Variants in HTR4 observed in about 807,000 individuals in gnomAD.
HTR4 encodes 5-hydroxytryptamine (serotonin) receptor 4, G protein-coupled.
In HTR4, 16 loss-of-function variants were observed where a neutral mutation model predicts 36.8. The ratio of observed to expected loss-of-function variants is 0.43; its 90% CI spans 0.29 to 0.66. The LOEUF is 0.66. Ranked by LOEUF, HTR4 falls within the 30% of genes least tolerant of loss-of-function variation. HTR4 has a pLI of 0.13. For synonymous variants in HTR4, 189 were observed against 185.1 expected, an observed-to-expected ratio of 1.02 and a Z score of -0.17; for missense variants, 438 against 490.9, an observed-to-expected ratio of 0.89 and a Z score of 1.02.
intron 6 of HTR4, among the ~76,000 whole-genome samples, chr5:148,495,778 A>T (rs1047923062): frequency 2.0e-5 from 3 of 152,190 alleles, no homozygotes; most frequent in African/African-American, 7.2e-5. Context: ...ATTATATTTT[A>T]CCAGTTAAGT....
intron 2 of HTR4, among the ~76,000 whole-genome samples, chr5:148,602,631 G>A (rs1203104971): frequency 6.6e-6 from 1 of 151,804 alleles, no homozygotes; most frequent in Non-Finnish European, 1.5e-5. Context: ...ATAGAATGAA[G>A]GAAATAGAAA....
rs531089666 is a variant in HTR4, at chr5:148,506,374, A to T, written c.1076+3082T>A. ...CTTACACCTTATAAAAAATTAATTC[A>T]AGATGGATTAAAGACTTAAATGTCA... On this transcript the variant is annotated intron_variant, in intron 6 of 6. Coordinates refer to ENST00000377888, the MANE Select transcript of HTR4 (RefSeq NM_000870.7). Among the ~76,000 whole-genome samples, 7 of 152,338 alleles carry T rather than the reference A, an allele frequency of 4.6e-5. No individual in the cohort carries two copies. The East Asian group carries it at 1.4e-3, about 29-fold the overall frequency.
chr5:148,639,756 C>G (rs1009369824), intron 1 of HTR4, among the ~76,000 whole-genome samples: 1 of 151,266 alleles, frequency 6.6e-6, no homozygotes, highest in Non-Finnish European at 1.5e-5. Flanking sequence ...TCGAGAAATG[C>G]CTGGTATATT....
intron 2 of HTR4, among the ~76,000 whole-genome samples, chr5:148,578,233 T>C (rs917616590): frequency 1.6e-4 from 25 of 152,048 alleles, no homozygotes; most frequent in African/African-American, 5.8e-4. Flanking sequence ...TTTCCTAAAC[T>C]GGATGATGCA....
chr5:148,569,043 G>A (rs1215701896), intron 2 of HTR4, among the ~76,000 whole-genome samples: 1 of 151,538 alleles, frequency 6.6e-6, no homozygotes, highest in African/African-American at 2.4e-5. Flanking sequence ...AATGAAACCA[G>A]GGAAGTAGTT....
chr5:148,475,502 A>T (rs1755674134), downstream of HTR4, among the ~76,000 whole-genome samples: 1 of 152,134 alleles, frequency 6.6e-6, no homozygotes. Context: ...ATAAGAAGAC[A>T]CTGAATGACA....
At chr5:148,585,635 A>G (rs1048580631) in intron 2 of HTR4, among the ~76,000 whole-genome samples, 1 of 152,218 alleles carries the variant, frequency 6.6e-6, no homozygotes, top group African/African-American at 2.4e-5. Context: ...GAGATGTTAA[A>G]TGACTTGCAG....
intron 1 of HTR4, among the ~76,000 whole-genome samples, chr5:148,641,172 A>G (rs796905752): frequency 6.6e-6 from 1 of 152,174 alleles, no homozygotes; most frequent in Admixed American, 6.5e-5. Flanking sequence ...TATCTTGAAT[A>G]CTTATATTTC....
At chr5:148,588,870 G>T (rs1761451409) in intron 2 of HTR4, among the ~76,000 whole-genome samples, 1 of 151,668 alleles carries the variant, frequency 6.6e-6, no homozygotes, top group Non-Finnish European at 1.5e-5. Context: ...ATACAAATAT[G>T]TGTAATATAT....
intron 5 of HTR4, chr5:148,451,339 C>T: frequency 6.2e-7 from 1 of 1,608,714 alleles, no homozygotes; most frequent in Non-Finnish European, 8.5e-7. Flanking sequence ...AAGTCAAGAG[C>T]ACTCCTTCTA....
chr5:148,618,197 A>G (rs747839149), intron 2 of HTR4, among the ~76,000 whole-genome samples: 25 of 152,184 alleles, frequency 1.6e-4, no homozygotes, highest in Non-Finnish European at 2.9e-4. Context: ...GACCTGGAGA[A>G]CATGCCCACT....
intron 2 of HTR4, among the ~76,000 whole-genome samples, chr5:148,574,090 G>A (rs1168266371): frequency 2.0e-5 from 3 of 152,020 alleles, no homozygotes; most frequent in African/African-American, 4.8e-5. Context: ...TTTTCCCGCA[G>A]GAGGGCAAAG....
In HTR4 at chr5:148,548,811, C is replaced by T. The variant is rs201830698; in HGVS notation, c.210G>A (p.Ser70=). The T allele has an allele frequency of 2.9e-5, 47 of 1,613,944 alleles. No individual in the cohort carries two copies. Among genetic ancestry groups the T allele is most frequent in the Admixed American group, 8.3e-5 (5 of 60,004 alleles). ...VSLAFADLLV[S]VLVMPFGAIE... ...TGGCACCAAAGGGCATCACCAGCAC[C>T]GAAACCAGCAGATCCGCAAAAGCAA... Residue 70 remains serine (S), a synonymous_variant, in exon 4 of 7, where the codon TCG becomes TCA. Coordinates refer to ENST00000377888, the MANE Select transcript of HTR4 (RefSeq NM_000870.7).
chr5:148,540,866 C>T (rs1472464600), intron 4 of HTR4, among the ~76,000 whole-genome samples: 1 of 152,078 alleles, frequency 6.6e-6, no homozygotes, highest in Non-Finnish European at 1.5e-5. Context: ...TTCAAGGGCA[C>T]TCAGCTATGA....
At chr5:148,652,346 G>A (rs1166587252) in intron 1 of HTR4, among the ~76,000 whole-genome samples, 3 of 152,196 alleles carry the variant, frequency 2.0e-5, no homozygotes, top group Non-Finnish European at 2.9e-5. Context: ...CCCAGCCTGG[G>A]TGATGTAGAG....
At chr5:148,611,324 A>T (rs984148746) in intron 2 of HTR4, among the ~76,000 whole-genome samples, 2 of 152,120 alleles carry the variant, frequency 1.3e-5, no homozygotes, top group Admixed American at 6.6e-5. Flanking sequence ...CTAACAGCGG[A>T]TCTGTCGGCA....
intron 2 of HTR4, among the ~76,000 whole-genome samples, chr5:148,618,801 G>A (rs1377705958): frequency 1.3e-5 from 2 of 152,198 alleles, no homozygotes; most frequent in Non-Finnish European, 2.9e-5. Flanking sequence ...AGAAATGGAT[G>A]TGAATATTTA....
At chr5:148,594,351 C>T (rs928584796) in intron 2 of HTR4, among the ~76,000 whole-genome samples, 10 of 148,568 alleles carry the variant, frequency 6.7e-5, no homozygotes, top group Non-Finnish European at 1.3e-4. Flanking sequence ...TTCTGGGTTT[C>T]GTGTGTGTGT....
chr5:148,498,639 A>C (rs2113749279), intron 6 of HTR4, among the ~76,000 whole-genome samples: 1 of 152,304 alleles, frequency 6.6e-6, no homozygotes, highest in East Asian at 1.9e-4. Flanking sequence ...TGTCATGAGA[A>C]ATAGTGCTGT....
Sources: gnomAD v4.1 joint callset for allele counts (sites outside exome capture counted in the v4.1 genomes callset) on GRCh38, gnomAD v4.1.1 for gene constraint, MANE v1.5 for transcripts, NCBI Gene and HGNC (gene_info 2026-07-23, HGNC 2026-07-21) for gene names.